RTN4R: variants seen among roughly 807,000 people sequenced by gnomAD.
RTN4R encodes the protein reticulon 4 receptor, also known as reticulon-4 receptor.
Under a neutral mutation model 27.7 loss-of-function variants are expected in RTN4R, and 4 were observed. The observed-to-expected ratio is 0.14, with a 90% CI of 0.07 to 0.33. The LOEUF (loss-of-function observed/expected upper bound fraction) is 0.33. Among genes scored for constraint, RTN4R ranks in the 10% least tolerant of loss-of-function variants. The pLI is 1.00. For synonymous variants in RTN4R, 290 were observed against 305.6 expected (o/e 0.95, Z 0.53); for missense variants, 554 against 671.5 (o/e 0.83, Z 1.93).
At position 20,255,978 on chromosome 22, in the gene RTN4R, A is replaced by G. The variant is rs1226870913; in HGVS notation, c.22+12093T>C. ...TATTAACAAGTGATAAATTATTCCT[A>G]TATGATTGTGTGTGATAACTCTTCC... On this transcript the variant is annotated intron_variant, in intron 1 of 1. Transcript: ENST00000043402. This position sits in a 1 kb window ranked among gnomAD's most constrained non-coding sequence, Gnocchi z 4.8. Among the ~76,000 whole-genome samples the G allele has an allele frequency of 2.0e-5, 3 of 152,242 alleles. No homozygotes were observed. Among genetic ancestry groups the G allele is most frequent in the Non-Finnish European group, 4.4e-5 (3 of 68,044 alleles).
At chr22:20,244,230 G>A (rs999133775) in intron 1 of RTN4R, among the ~76,000 whole-genome samples, 2 of 152,266 alleles carry the variant, frequency 1.3e-5, no homozygotes, top group African/African-American at 4.8e-5. Context: ...CAGACATGAG[G>A]CCGGCTAAGT....
intron 1 of RTN4R, among the ~76,000 whole-genome samples, chr22:20,266,038 C>T (rs137949459): frequency 0.012 from 1,768 of 152,334 alleles, 26 homozygotes; most frequent in African/African-American, 0.04. Flanking sequence ...TGCCCCTCTG[C>T]CAGGTGGCGT....
intron 1 of RTN4R, among the ~76,000 whole-genome samples, chr22:20,262,034 C>T (rs1454081219): frequency 6.6e-6 from 1 of 152,192 alleles, no homozygotes; most frequent in African/African-American, 2.4e-5. Flanking sequence ...AGGCAGGGAG[C>T]CGGGGCCGGC....
At chr22:20,250,984 C>A (rs1156749442) in intron 1 of RTN4R, among the ~76,000 whole-genome samples, 1 of 152,208 alleles carries the variant, frequency 6.6e-6, no homozygotes, top group African/African-American at 2.4e-5. Flanking sequence ...TCAGAGGAGA[C>A]AAATCCAGTG....
At chr22:20,265,540 G>T (rs1226225996) in intron 1 of RTN4R, among the ~76,000 whole-genome samples, 1 of 152,216 alleles carries the variant, frequency 6.6e-6, no homozygotes, top group Non-Finnish European at 1.5e-5. Context: ...CTGGCACGGG[G>T]AAACTGAGGC....
At position 20,252,886 on chromosome 22, in the gene RTN4R, A is replaced by G. The variant is rs575940965; in HGVS notation, c.23-9776T>C. ...GTCCCCACACCAGTGATGTGAGGAC[A>G]ATGAGAGGCCAGCACCTACCTCCCC... On this transcript the variant is annotated intron_variant, in intron 1 of 1. Coordinates refer to ENST00000043402, the MANE Select transcript of RTN4R (RefSeq NM_023004.6). Among the ~76,000 whole-genome samples the G allele has an allele frequency of 6.6e-5, 10 of 152,178 alleles. 3 individuals carry two copies. The highest frequency in any genetic ancestry group is 1.9e-4 in the African/African-American group (8 of 41,506).
At chr22:20,267,430 T>G (rs1569044100) in intron 1 of RTN4R, among the ~76,000 whole-genome samples, 1 of 152,128 alleles carries the variant, frequency 6.6e-6, no homozygotes, top group Non-Finnish European at 1.5e-5. Flanking sequence ...AGGGAGGGGT[T>G]GCTGATTGCC....
Position 20,242,098 on chromosome 22 carries a change from T to C in RTN4R, c.1035A>G (p.Ser345=). 1.2e-6 allele frequency: 2 copies of C among 1,612,156 alleles called. No homozygotes were observed. The highest frequency in any genetic ancestry group is 1.7e-6 in the Non-Finnish European group (2 of 1,179,458). Residue 345 remains serine, a synonymous_variant, in exon 2 of 2, where the codon TCA becomes TCG. Transcript: ENST00000043402. ...CCQPDAADKA[S]VLEPGRPASA... ...AAGCTGGTCTTCCAGGCTCCAGTAC[T>C]GAGGCCTTGTCAGCGGCATCTGGCT...
intron 1 of RTN4R, among the ~76,000 whole-genome samples, chr22:20,243,949 G>A (rs1216999932): frequency 1.3e-5 from 2 of 152,132 alleles, no homozygotes; most frequent in Admixed American, 1.3e-4. Context: ...GGCCCTACAT[G>A]GGCAGTAGTC....
In RTN4R at chr22:20,268,084, C is replaced by T. The variant is rs1253204401; in HGVS notation, c.9G>A (p.Arg3=). 6 of 1,202,296 alleles carry T rather than the reference C, an allele frequency of 5.0e-6. No homozygotes were observed. Among genetic ancestry groups the T allele is most frequent in the South Asian group, 3.0e-5 (1 of 32,936 alleles). The allele number at this position is 1,202,296 out of a possible 1,614,324, so 74.5% of individuals were successfully genotyped here. The stretch of plus-strand genomic sequence containing the variant: ...GCGGACACTCACCTCCAGCGGACGC[C>T]CTCTTCATCGTAGGGGTTGGGCGGG... MK[R]ASAGGSRLLA... Residue 3 remains arginine, a synonymous_variant, in exon 1 of 2, where the codon AGG becomes AGA. Transcript: ENST00000043402.
At chr22:20,258,249 G>C (rs1350953500) in intron 1 of RTN4R, among the ~76,000 whole-genome samples, 1 of 152,180 alleles carries the variant, frequency 6.6e-6, no homozygotes, top group Non-Finnish European at 1.5e-5. Context: ...GTTTGCTCAA[G>C]GAGCTCCCCC....
intron 1 of RTN4R, among the ~76,000 whole-genome samples, chr22:20,251,234 G>A (rs751132074): frequency 1.3e-4 from 19 of 151,842 alleles, no homozygotes; most frequent in Admixed American, 2.0e-4. Flanking sequence ...GATCCGTGTC[G>A]ATGTACTTCC....
In RTN4R at chr22:20,265,155, C is replaced by T. The variant is rs113310357; in HGVS notation, c.22+2916G>A. Among the ~76,000 whole-genome samples the T allele has an allele frequency of 5.1e-3, 781 of 152,292 alleles. 6 individuals are homozygous for T. Among genetic ancestry groups the T allele is most frequent in the African/African-American group, 0.017 (715 of 41,548 alleles). On this transcript the variant is annotated intron_variant, in intron 1 of 1. Transcript: ENST00000043402. ...GTTGCACCGGCTGCACAGGGCCGTC[C>T]GTGCCACAAAGCATGAATTCAAGGC...
rs1043065677 is a variant in RTN4R, at chr22:20,241,633, G to A, written c.*78C>T. ...GCCTGCCCCACGGGTCGGCCGCCCG[G>A]CTGGCTTGGCGGCGTGGAGAGAGAC... On this transcript the variant is annotated 3_prime_UTR_variant, in exon 2 of 2. Transcript: ENST00000043402. 35 of 1,514,260 alleles carry A rather than the reference G, an allele frequency of 2.3e-5. No homozygotes were observed. In the African/African-American group the frequency reaches 4.8e-4, roughly 21 times the overall value. The allele number at this position is 1,514,260 out of a possible 1,614,324, so 93.8% of individuals were successfully genotyped here.
At position 20,258,006 on chromosome 22, in the gene RTN4R, C is replaced by A. The variant is rs183487293; in HGVS notation, c.22+10065G>T. Among the ~76,000 whole-genome samples, 52 of 152,306 alleles carry A rather than the reference C, an allele frequency of 3.4e-4. 3 individuals are homozygous for A. The South Asian group carries it at 4.1e-3, about 12-fold the overall frequency. Reference sequence around the variant, plus strand: ...TTGGAAATGGAGATAATAAGGCCCACCTCATGGCACCCACAAAGAATGGGG... The same window carrying A: ...TTGGAAATGGAGATAATAAGGCCCAACTCATGGCACCCACAAAGAATGGGG... On this transcript the variant is annotated intron_variant, in intron 1 of 1. Transcript: ENST00000043402.
At chr22:20,252,535 C>A (rs1275238326) in intron 1 of RTN4R, among the ~76,000 whole-genome samples, 1 of 152,174 alleles carries the variant, frequency 6.6e-6, no homozygotes. Context: ...AAGTGCCTTG[C>A]TGGCCACCTT....
Position 20,249,716 on chromosome 22 carries a change from T to C in RTN4R, c.23-6606A>G, listed in dbSNP as rs117333152. 3.4e-3 allele frequency among the ~76,000 whole-genome samples: 524 copies of C among 152,326 alleles called. 8 individuals carry two copies. The East Asian group carries it at 0.062, about 18-fold the overall frequency. On this transcript the variant is annotated intron_variant, in intron 1 of 1. Coordinates refer to ENST00000043402, the MANE Select transcript of RTN4R (RefSeq NM_023004.6). ...CCAGGGCCCGGCTGGAGGGTCTGCA[T>C]GCCGCTGCGGCAGAGGAAGATGTGT...
chr22:20,259,585 C>T (rs1193601806), intron 1 of RTN4R, among the ~76,000 whole-genome samples: 1 of 152,186 alleles, frequency 6.6e-6, no homozygotes, highest in African/African-American at 2.4e-5. Context: ...ACAAGTTCTT[C>T]ACCTGCCCTC....
At position 20,255,071 on chromosome 22, in the gene RTN4R, C is replaced by T. The variant is rs2051204451; in HGVS notation, c.23-11961G>A. On this transcript the variant is annotated intron_variant, in intron 1 of 1. Transcript: ENST00000043402. The surrounding 1 kb of genome is among the most constrained non-coding windows in gnomAD (Gnocchi z 4.8). ...AGAAGCTGAGGAAATGTGGCGGCAA[C>T]CACTGGCAAAGCCAGGGAACAGAGG... Among the ~76,000 whole-genome samples, 1 of 152,164 alleles carries T rather than the reference C, an allele frequency of 6.6e-6. No homozygotes were observed.
Sources: gnomAD v4.1 joint callset for allele counts (sites outside exome capture counted in the v4.1 genomes callset) on GRCh38, gnomAD v4.1.1 for gene constraint, Gnocchi (gnomAD v3.1) non-coding constraint, MANE v1.5 for transcripts, NCBI Gene and HGNC (gene_info 2026-07-23, HGNC 2026-07-21) for gene names.